The following SPON1 variants were observed in gnomAD, a reference collection of about 807,000 sequenced individuals.
SPON1 encodes spondin 1.
In SPON1, 52 loss-of-function variants were observed where a neutral mutation model predicts 111.7. That is an observed-to-expected ratio of 0.47 (90% CI 0.37 to 0.59). The LOEUF (loss-of-function observed/expected upper bound fraction) is 0.59. Ranked by LOEUF, SPON1 falls within the 20% of genes least tolerant of loss-of-function variation. The pLI, the probability that SPON1 is intolerant of heterozygous loss-of-function variation, is 0.00. For synonymous variants in SPON1, 410 were observed against 395.8 expected, an observed-to-expected ratio of 1.04 and a Z score of -0.43; for missense variants, 957 against 1,068.5, an observed-to-expected ratio of 0.90 and a Z score of 1.46.
intron 6 of SPON1, among the ~76,000 whole-genome samples, chr11:14,201,363 C>CAA (rs71041591): frequency 6.0e-5 from 9 of 150,162 alleles, no homozygotes; most frequent in African/African-American, 9.8e-5. Context: ...AACAAAAAAA[C>CAA]AAAAAAAACT....
At chr11:13,984,811 T>C (rs910797175) in intron 2 of SPON1, among the ~76,000 whole-genome samples, 12 of 152,182 alleles carry the variant, frequency 7.9e-5, no homozygotes, top group African/African-American at 2.4e-4. Flanking sequence ...GCCCTGCTCA[T>C]AGTGGGCAGC....
Position 14,077,835 on chromosome 11 carries a change from C to CAA in SPON1, c.554-2055_554-2054dup, listed in dbSNP as rs35451581. ...GTCACAAGCAATTAAATGAAAGAGA[C>CAA]AAAAAAAAAAGGAAAAAGGAAGGGA... On this transcript the variant is annotated intron_variant, in intron 4 of 15. Transcript: ENST00000576479. 2.1e-4 allele frequency among the ~76,000 whole-genome samples: 24 copies of CAA among 116,392 alleles called. 1 individual carries two copies. Among genetic ancestry groups the CAA allele is most frequent in the South Asian group, 7.4e-4 (3 of 4,052 alleles). The allele number at this position is 116,392 out of a possible 152,430, so 76.4% of individuals were successfully genotyped here. A position where few individuals can be genotyped will look rare whatever the true frequency, so the allele number is the denominator to read the frequency against.
chr11:14,246,148 G>A (rs1471993428), intron 7 of SPON1, among the ~76,000 whole-genome samples: 1 of 152,174 alleles, frequency 6.6e-6, no homozygotes, highest in Non-Finnish European at 1.5e-5. Context: ...CCATTAAGGA[G>A]TCTTTATACC....
At chr11:14,241,900 T>A (rs1554939711) in intron 6 of SPON1, among the ~76,000 whole-genome samples, 1 of 152,052 alleles carries the variant, frequency 6.6e-6, no homozygotes, top group East Asian at 1.9e-4. Flanking sequence ...TCCCAAGATT[T>A]TTTTCATCTG....
chr11:13,993,068 T>A (rs1848243635), intron 2 of SPON1, among the ~76,000 whole-genome samples: 1 of 151,924 alleles, frequency 6.6e-6, no homozygotes, highest in East Asian at 1.9e-4. Context: ...GCTCTAAAAG[T>A]GACTTTGAGA....
chr11:14,240,042 C>A (rs1355416827), intron 6 of SPON1, among the ~76,000 whole-genome samples: 1 of 152,152 alleles, frequency 6.6e-6, no homozygotes, highest in Admixed American at 6.5e-5. Flanking sequence ...CAAATAAATA[C>A]GTACATGAGT....
intron 2 of SPON1, among the ~76,000 whole-genome samples, chr11:14,002,181 T>C (rs1554912515): frequency 1.3e-5 from 2 of 152,198 alleles, no homozygotes; most frequent in Non-Finnish European, 2.9e-5. Flanking sequence ...AATAGTAATA[T>C]CTTCCTTATA....
In SPON1 at chr11:14,255,710, C is replaced by G; in HGVS notation, c.1156C>G (p.Gln386Glu). Reference protein sequence around the residue: ...IRPLTSLDHPQSPFYDPEGGS... With the variant: ...IRPLTSLDHPESPFYDPEGGS... ...GCCCCTGACCAGCCTGGACCATCCT[C>G]AGAGTCCTTTCTATGACCCAGAGGG... The change falls in exon 9 of 16, where the codon CAG becomes GAG. Residue 386 changes from glutamine to glutamate, a missense_variant. Physicochemically the swap from Gln to Glu is conservative, Grantham distance 29. Around this residue, in one of 5 missense-constraint regions of SPON1, gnomAD observed 549 missense variants for 606.2 expected, o/e 0.91. Coordinates refer to ENST00000576479, the MANE Select transcript of SPON1 (RefSeq NM_006108.4). 6.2e-7 allele frequency: 1 copy of G among 1,613,904 alleles called. No homozygotes were observed. Among genetic ancestry groups the G allele is most frequent in the South Asian group, 1.1e-5 (1 of 91,070 alleles).
At chr11:14,242,026 T>C (rs1413368901) in intron 6 of SPON1, among the ~76,000 whole-genome samples, 1 of 152,010 alleles carries the variant, frequency 6.6e-6, no homozygotes, top group Non-Finnish European at 1.5e-5. Context: ...GGACTGTCTG[T>C]AGGAGCCCAG....
intron 6 of SPON1, among the ~76,000 whole-genome samples, chr11:14,172,853 A>G (rs11529558): frequency 0.17 from 26,059 of 151,708 alleles, 2,662 homozygotes; most frequent in Admixed American, 0.24. Flanking sequence ...AGTTTCTGCC[A>G]AGAGATCAGC....
intron 6 of SPON1, among the ~76,000 whole-genome samples, chr11:14,191,653 A>G (rs1263371298): frequency 6.6e-6 from 1 of 152,156 alleles, no homozygotes; most frequent in Non-Finnish European, 1.5e-5. Context: ...GAAAGCAAAA[A>G]CCCATCAAGA....
intron 2 of SPON1, among the ~76,000 whole-genome samples, chr11:13,991,306 C>T (rs1216226133): frequency 1.3e-5 from 2 of 152,138 alleles, no homozygotes; most frequent in African/African-American, 2.4e-5. Context: ...CTTGCCTGCT[C>T]TCTTTATTTC....
intron 6 of SPON1, among the ~76,000 whole-genome samples, chr11:14,239,996 A>G (rs987500935): frequency 7.9e-5 from 12 of 152,258 alleles, no homozygotes; most frequent in Non-Finnish European, 1.6e-4. Flanking sequence ...GATCACTCCT[A>G]TGACTCAATG....
intron 3 of SPON1, among the ~76,000 whole-genome samples, chr11:14,063,481 T>C (rs1375757289): frequency 6.6e-6 from 1 of 152,138 alleles, no homozygotes; most frequent in Non-Finnish European, 1.5e-5. Context: ...TGAAAATATT[T>C]CTGTGAGAAA....
chr11:14,226,026 A>C (rs1350724538), intron 6 of SPON1, among the ~76,000 whole-genome samples: 1 of 152,236 alleles, frequency 6.6e-6, no homozygotes. Context: ...TTGTAATACC[A>C]GTAATGATAA....
At chr11:14,183,949 G>A (rs1252659921) in intron 6 of SPON1, among the ~76,000 whole-genome samples, 2 of 152,140 alleles carry the variant, frequency 1.3e-5, no homozygotes, top group South Asian at 4.2e-4. Context: ...AACGTAAATG[G>A]CCCTTGGAGA....
At chr11:14,180,466 T>C (rs1226059389) in intron 6 of SPON1, among the ~76,000 whole-genome samples, 1 of 152,202 alleles carries the variant, frequency 6.6e-6, no homozygotes, top group African/African-American at 2.4e-5. Context: ...TGCAGTTCCT[T>C]CCACTTGCAA....
chr11:14,094,877 CAGTT>C (rs1294100770), intron 5 of SPON1, among the ~76,000 whole-genome samples: 2 of 152,122 alleles, frequency 1.3e-5, no homozygotes, highest in Non-Finnish European at 2.9e-5. Context: ...ACATTGCAGT[CAGTT>C]AGTGGGCAAT....
chr11:14,153,636 CT>C (rs1383659325), intron 6 of SPON1, among the ~76,000 whole-genome samples: 1 of 152,152 alleles, frequency 6.6e-6, no homozygotes, highest in African/African-American at 2.4e-5. Flanking sequence ...CATTCTGCCC[CT>C]GGCCCCTTCG....
Sources: gnomAD v4.1 joint callset for allele counts (sites outside exome capture counted in the v4.1 genomes callset) on GRCh38, gnomAD v4.1.1 for gene constraint, gnomAD v4.1.1 regional missense constraint, MANE v1.5 for transcripts, NCBI Gene and HGNC (gene_info 2026-07-23, HGNC 2026-07-21) for gene names.